The following SDAD1 variants were observed in gnomAD, a reference collection of about 807,000 sequenced individuals.
The protein encoded by SDAD1 is SDA1 domain containing 1, also known as protein SDA1 homolog.
A neutral mutation model predicts 100.3 loss-of-function variants in SDAD1; 79 were observed. The observed-to-expected ratio is 0.79, with a 90% CI of 0.66 to 0.95. The LOEUF is 0.95. Ranked by LOEUF, SDAD1 falls within the 40% of genes least tolerant of loss-of-function variation. SDAD1 has a pLI of 0.00. For missense variants in SDAD1, 790 were observed against 810.9 expected, an observed-to-expected ratio of 0.97 and a Z score of 0.31; for synonymous variants, 267 against 271.4, an observed-to-expected ratio of 0.98 and a Z score of 0.16.
At chr4:75,956,881 G>A (rs1309129609) in intron 20 of SDAD1, among the ~76,000 whole-genome samples, 4 of 152,172 alleles carry the variant, frequency 2.6e-5, no homozygotes, top group Admixed American at 2.6e-4. Context: ...AGGCTGAGGC[G>A]GGTGGATCGC....
intron 10 of SDAD1, 115 bp from the exon 11 acceptor site, chr4:75,969,514 G>C: frequency 1.5e-6 from 1 of 647,690 alleles, no homozygotes. Flanking sequence ...ACAAACAGGT[G>C]AATATGTCAA....
At chr4:75,959,834 G>A (rs1255431625) in intron 17 of SDAD1, among the ~76,000 whole-genome samples, 2 of 152,166 alleles carry the variant, frequency 1.3e-5, no homozygotes, top group African/African-American at 4.8e-5. Flanking sequence ...GCCCTTGGAT[G>A]AGCGGCAGCC....
At chr4:75,976,599 T>C (rs1278765730) in intron 4 of SDAD1, among the ~76,000 whole-genome samples, 1 of 152,198 alleles carries the variant, frequency 6.6e-6, no homozygotes, top group Admixed American at 6.5e-5. Flanking sequence ...CTAATTGGAA[T>C]AGAGTTTCTT....
rs1728585847 is a variant in SDAD1 at position 75,950,772 on chromosome 4, T to A, written c.2042A>T (p.Lys681Ile). The A allele has an allele frequency of 6.3e-7, 1 of 1,593,478 alleles. No individual in the cohort carries two copies. The highest frequency in any genetic ancestry group is 1.3e-5 in the African/African-American group (1 of 74,678). Residue 681 changes from lysine to isoleucine, a missense_variant, in exon 22 of 22, where the codon AAA (lysine) becomes ATA (isoleucine). Coordinates refer to ENST00000356260, the MANE Select transcript of SDAD1 (RefSeq NM_018115.4). Reference sequence around the variant, plus strand: ...AAGTTACTTCATTCTTTTTCTCTTTTTCAAAAGTGCATCTCGTAGTGCCAA... The same window carrying A: ...AAGTTACTTCATTCTTTTTCTCTTTATCAAAAGTGCATCTCGTAGTGCCAA... The part of the protein sequence containing the change: ...KQLALRDALL[K>I]KRKRMK
intron 13 of SDAD1, 44 bp from the exon 14 acceptor site, chr4:75,964,255 G>T: frequency 3.2e-6 from 4 of 1,268,506 alleles, no homozygotes; most frequent in Non-Finnish European, 4.6e-6. Flanking sequence ...TTAAATGTCT[G>T]CATACACAAA....
intron 9 of SDAD1, 44 bp from the exon 10 acceptor site, chr4:75,970,422 T>G (rs372660159): frequency 1.4e-6 from 2 of 1,454,258 alleles, no homozygotes; most frequent in Non-Finnish European, 1.9e-6. Flanking sequence ...GTTACAGTGA[T>G]GATGCTCTTA....
At chr4:75,981,249 G>A in intron 3 of SDAD1, 123 bp downstream of exon 3, 1 of 887,704 alleles carries the variant, frequency 1.1e-6, no homozygotes, top group Non-Finnish European at 1.7e-6. Context: ...TTTAGGAAAG[G>A]ATAATACATT....
At chr4:75,974,219 A>T in intron 6 of SDAD1, 86 bp from the exon 7 acceptor site, 1 of 1,110,500 alleles carries the variant, frequency 9.0e-7, no homozygotes, top group East Asian at 2.4e-5. Flanking sequence ...TAAATGATAT[A>T]ACAAATGTTT....
At chr4:75,957,122 C>T (rs529177818) in intron 20 of SDAD1, among the ~76,000 whole-genome samples, 17 of 152,110 alleles carry the variant, frequency 1.1e-4, no homozygotes, top group Admixed American at 4.6e-4. Flanking sequence ...AACAAACAAA[C>T]AAACATACTA....
At chr4:75,981,333 G>C in intron 3 of SDAD1, 39 bp downstream of exon 3, 1 of 1,591,110 alleles carries the variant, frequency 6.3e-7, no homozygotes, top group Non-Finnish European at 8.6e-7. Flanking sequence ...CAGCACACAT[G>C]AACACAGCAC....
At chr4:75,960,984 G>A (rs1217326081) in intron 16 of SDAD1, 44 bp downstream of exon 16, 1 of 1,521,522 alleles carries the variant, frequency 6.6e-7, no homozygotes, top group Non-Finnish European at 9.1e-7. Flanking sequence ...CTCTCAGTTT[G>A]TGAGACCATA....
chr4:75,984,425 C>G (rs77665232), intron 1 of SDAD1, among the ~76,000 whole-genome samples: 4 of 152,008 alleles, frequency 2.6e-5, no homozygotes, highest in Non-Finnish European at 5.9e-5. Flanking sequence ...CCCTGGCCTC[C>G]CAAAGTGCTG....
intron 2 of SDAD1, 99 bp downstream of exon 2, chr4:75,981,834 G>T: frequency 1.1e-6 from 1 of 888,500 alleles, no homozygotes; most frequent in Non-Finnish European, 1.7e-6. Context: ...TTTTAATTAA[G>T]TTCCCATTCC....
chr4:75,975,901 A>G, intron 5 of SDAD1, 23 bp downstream of exon 5: 1 of 1,602,534 alleles, frequency 6.2e-7, no homozygotes. Context: ...TGCTGCAAAC[A>G]TGGAAGACAG....
At chr4:75,969,793 G>C in intron 10 of SDAD1, among the ~76,000 whole-genome samples, 1 of 152,060 alleles carries the variant, frequency 6.6e-6, no homozygotes, top group Admixed American at 6.6e-5. Context: ...AGCAAATCTT[G>C]CCATACATTA....
chr4:75,974,495 C>G (rs1051954085), intron 6 of SDAD1, among the ~76,000 whole-genome samples: 5 of 151,214 alleles, frequency 3.3e-5, no homozygotes, highest in African/African-American at 1.2e-4. Context: ...GCAGGCAGAT[C>G]ACTGGAGGCC....
chr4:75,959,441 T>C (rs950621023), intron 17 of SDAD1, among the ~76,000 whole-genome samples: 6 of 151,754 alleles, frequency 4.0e-5, no homozygotes, highest in African/African-American at 1.5e-4. Context: ...CTATCTCTAC[T>C]AAAAATAAAA....
chr4:75,973,695 C>T (rs756369856), intron 7 of SDAD1, among the ~76,000 whole-genome samples: 5 of 152,104 alleles, frequency 3.3e-5, no homozygotes, highest in African/African-American at 7.2e-5. Flanking sequence ...AAAAGTCAAA[C>T]ATTGACCTTA....
At chr4:75,965,707 T>C (rs1729500390) in intron 13 of SDAD1, 57 bp downstream of exon 13, 1 of 1,442,452 alleles carries the variant, frequency 6.9e-7, no homozygotes, top group East Asian at 2.3e-5. Flanking sequence ...CTGAAGTACC[T>C]AACAGTAACA....
Sources: gnomAD v4.1 joint callset for allele counts (sites outside exome capture counted in the v4.1 genomes callset) on GRCh38, gnomAD v4.1.1 for gene constraint, MANE v1.5 for transcripts, NCBI Gene and HGNC (gene_info 2026-07-23, HGNC 2026-07-21) for gene names.